Variants in GRIK2 observed in about 807,000 individuals in gnomAD.
GRIK2 encodes glutamate ionotropic receptor kainate type subunit 2.
A neutral mutation model predicts 100.3 loss-of-function variants in GRIK2; 32 were observed. That is an observed-to-expected ratio of 0.32 (90% CI 0.24 to 0.43). The LOEUF is 0.43. Among genes scored for constraint, GRIK2 ranks in the 20% least tolerant of loss-of-function variants. The pLI is 1.00. For synonymous variants in GRIK2, 417 were observed against 389.4 expected, an observed-to-expected ratio of 1.07 and a Z score of -0.83; for missense variants, 843 against 1,114.9, an observed-to-expected ratio of 0.76 and a Z score of 3.47.
intron 11 of GRIK2, among the ~76,000 whole-genome samples, chr6:101,862,456 A>C (rs1784784769): frequency 6.6e-6 from 1 of 152,124 alleles, no homozygotes; most frequent in South Asian, 2.1e-4. Flanking sequence ...TAAGAGACGG[A>C]ATCTTTCTGT....
intron 2 of GRIK2, among the ~76,000 whole-genome samples, chr6:101,601,937 C>A (rs1451711218): frequency 1.3e-5 from 2 of 151,120 alleles, no homozygotes; most frequent in African/African-American, 4.9e-5. Flanking sequence ...TTATTCAGTT[C>A]CTGTCTAATT....
chr6:101,585,007 CTGAG>C (rs1778287402), intron 2 of GRIK2, among the ~76,000 whole-genome samples: 1 of 151,862 alleles, frequency 6.6e-6, no homozygotes, highest in Admixed American at 6.6e-5. Flanking sequence ...TTCCTAAGCT[CTGAG>C]TAAGTACCTT....
intron 16 of GRIK2, among the ~76,000 whole-genome samples, chr6:102,059,449 T>G (rs1168754872): frequency 6.6e-6 from 1 of 151,208 alleles, no homozygotes; most frequent in Non-Finnish European, 1.5e-5. Flanking sequence ...TACTGAAGTT[T>G]CACTGAGAAA....
At chr6:101,572,439 A>G (rs1777583269) in intron 2 of GRIK2, among the ~76,000 whole-genome samples, 1 of 152,196 alleles carries the variant, frequency 6.6e-6, no homozygotes, top group Non-Finnish European at 1.5e-5. Context: ...GCGTAATACA[A>G]TATGCTATAA....
chr6:101,453,322 G>T (rs1038995579), intron 2 of GRIK2, among the ~76,000 whole-genome samples: 3 of 151,346 alleles, frequency 2.0e-5, no homozygotes, highest in African/African-American at 7.3e-5. Context: ...GACTTTATTT[G>T]CTTTAATGCT....
At chr6:101,584,955 T>C (rs922693433) in intron 2 of GRIK2, among the ~76,000 whole-genome samples, 1 of 151,950 alleles carries the variant, frequency 6.6e-6, no homozygotes, top group African/African-American at 2.4e-5. Flanking sequence ...GAGATGTAAC[T>C]ACATATAAGA....
chr6:101,542,454 G>A (rs1776045417), intron 2 of GRIK2, among the ~76,000 whole-genome samples: 1 of 145,584 alleles, frequency 6.9e-6, no homozygotes, highest in Non-Finnish European at 1.5e-5. Flanking sequence ...ATCAATAACA[G>A]GCGTATTTAA....
At chr6:101,662,927 C>A (rs925313123) in intron 4 of GRIK2, among the ~76,000 whole-genome samples, 3 of 151,998 alleles carry the variant, frequency 2.0e-5, no homozygotes, top group Admixed American at 1.3e-4. Context: ...ACATTTACAT[C>A]TTTTAATCAT....
In GRIK2 at chr6:101,975,191, C is replaced by T. The variant is rs77449132; in HGVS notation, c.2085+46559C>T. Among the ~76,000 whole-genome samples, 1,240 of 151,634 alleles carry T rather than the reference C, an allele frequency of 8.2e-3. 17 individuals carry two copies. Among genetic ancestry groups the T allele is most frequent in the African/African-American group, 0.029 (1,189 of 41,366 alleles). ...TTGGGGTCTGTTAACTTTGAAATAC[C>T]TATGAGCCCTCCACACAGAGATATC... On this transcript the variant is annotated intron_variant, in intron 14 of 16. Transcript: ENST00000369134.
At chr6:101,983,010 T>C in intron 14 of GRIK2, among the ~76,000 whole-genome samples, 1 of 151,854 alleles carries the variant, frequency 6.6e-6, no homozygotes, top group East Asian at 1.9e-4. Flanking sequence ...AATCCATATA[T>C]TCATTTTTCC....
At chr6:101,593,466 T>C (rs1778773549) in intron 2 of GRIK2, among the ~76,000 whole-genome samples, 1 of 151,928 alleles carries the variant, frequency 6.6e-6, no homozygotes, top group Non-Finnish European at 1.5e-5. Flanking sequence ...AAACATACCA[T>C]GAGCTAGGCA....
chr6:101,768,214 C>A (rs1778158487), intron 7 of GRIK2, among the ~76,000 whole-genome samples: 1 of 152,078 alleles, frequency 6.6e-6, no homozygotes, highest in Non-Finnish European at 1.5e-5. Flanking sequence ...ATTGCTTAAC[C>A]TTGTTGAGAA....
At chr6:101,884,627 T>C (rs1177808322) in intron 11 of GRIK2, among the ~76,000 whole-genome samples, 3 of 152,148 alleles carry the variant, frequency 2.0e-5, no homozygotes, top group Non-Finnish European at 4.4e-5. Context: ...ATTAGTTATG[T>C]AACTCTGTAA....
intron 4 of GRIK2, among the ~76,000 whole-genome samples, chr6:101,666,447 C>A (rs1038706621): frequency 6.6e-6 from 1 of 152,220 alleles, no homozygotes; most frequent in Middle Eastern, 3.2e-3. Flanking sequence ...TAGTCTCCAA[C>A]CCCTCCAGAA....
chr6:102,033,458 A>T (rs1770104647), intron 14 of GRIK2, among the ~76,000 whole-genome samples: 1 of 151,350 alleles, frequency 6.6e-6, no homozygotes, highest in Non-Finnish European at 1.5e-5. Context: ...CTATTCGGAG[A>T]TAGGCTGTAA....
intron 2 of GRIK2, among the ~76,000 whole-genome samples, chr6:101,612,716 A>ATG (rs139709674): frequency 0.081 from 11,587 of 143,324 alleles, 509 homozygotes; most frequent in African/African-American, 0.12. Context: ...GTATGTGTTA[A>ATG]TGTGTGTGTG....
intron 2 of GRIK2, among the ~76,000 whole-genome samples, chr6:101,527,023 T>A (rs934303797): frequency 6.6e-6 from 1 of 152,172 alleles, no homozygotes; most frequent in Non-Finnish European, 1.5e-5. Context: ...AATGTTTTCA[T>A]GTCCTTTTAT....
chr6:101,997,821 C>G (rs1394714136), intron 14 of GRIK2, among the ~76,000 whole-genome samples: 1 of 151,428 alleles, frequency 6.6e-6, no homozygotes, highest in Non-Finnish European at 1.5e-5. Flanking sequence ...TGACTAATTC[C>G]TCTTTTTTCT....
At chr6:101,416,638 C>A (rs1776151999) in intron 2 of GRIK2, among the ~76,000 whole-genome samples, 2 of 152,148 alleles carry the variant, frequency 1.3e-5, no homozygotes. Flanking sequence ...GATAATTCCT[C>A]AGGGTTTGTT....
Sources: allele counts gnomAD v4.1 joint callset (sites outside exome capture counted in the v4.1 genomes callset), GRCh38; gene constraint gnomAD v4.1.1; transcripts MANE v1.5; gene names NCBI Gene and HGNC (gene_info 2026-07-23, HGNC 2026-07-21).